MTF2: variants seen among roughly 807,000 people sequenced by gnomAD.
The protein encoded by MTF2 is metal response element binding transcription factor 2.
Under a neutral mutation model 79.5 loss-of-function variants are expected in MTF2, and 11 were observed. That is an observed-to-expected ratio of 0.14 (90% CI 0.09 to 0.23). The LOEUF (loss-of-function observed/expected upper bound fraction) is 0.23. Among genes scored for constraint, MTF2 ranks in the 10% least tolerant of loss-of-function variants. The pLI, the probability that MTF2 is intolerant of heterozygous loss-of-function variation, is 1.00. For missense variants in MTF2, 486 were observed against 711.2 expected (o/e 0.68, Z 3.60); for synonymous variants, 208 against 232.8 (o/e 0.89, Z 0.97).
At chr1:93,108,910 A>C (rs1256990978) in intron 1 of MTF2, among the ~76,000 whole-genome samples, 1 of 152,158 alleles carries the variant, frequency 6.6e-6, no homozygotes, top group African/African-American at 2.4e-5. Flanking sequence ...TATAAGTGGA[A>C]TAGTTGTCCA....
At position 93,114,720 on chromosome 1, in the gene MTF2, A is replaced by G. The variant is rs146740892; in HGVS notation, c.319A>G (p.Ile107Val). 28 of 1,612,166 alleles carry G rather than the reference A, an allele frequency of 1.7e-5. No homozygotes were observed. In the African/African-American group the frequency reaches 2.4e-4, roughly 14 times the overall value. The change falls in exon 4 of 15, where the codon ATA becomes GTA. Residue 107 changes from isoleucine to valine, a missense_variant. Coordinates refer to ENST00000370298, the MANE Select transcript of MTF2 (RefSeq NM_007358.4). ...TGGAAGTGGGGAAATGGTCTGTACA[A>G]TATGTCAAGAAGAGTATTCAGAAGC... ...ATGSGEMVCT[I>V]CQEEYSEAPN...
In MTF2 at chr1:93,119,313, CTTTTTTTTTT is replaced by C. The variant is rs74464389; in HGVS notation, c.729-15_729-6del. The C allele has an allele frequency of 9.4e-7, 1 of 1,066,836 alleles. No individual in the cohort carries two copies. Among genetic ancestry groups the C allele is most frequent in the Non-Finnish European group, 1.3e-6 (1 of 791,768 alleles). The allele number at this position is 1,066,836 out of a possible 1,614,324, so 66.1% of individuals were successfully genotyped here. ...CTGATGACTCAGTATAAAACTTTTT[CTTTTTTTTTT>C]TTTTCTTAGATTTTATACGTTTATA... On this transcript the variant is annotated splice_polypyrimidine_tract_variant and intron_variant, in intron 7 of 14. Coordinates refer to ENST00000370298, the MANE Select transcript of MTF2 (RefSeq NM_007358.4).
intron 1 of MTF2, among the ~76,000 whole-genome samples, chr1:93,090,467 C>T (rs1269572866): frequency 1.4e-5 from 2 of 145,904 alleles, no homozygotes; most frequent in East Asian, 2.0e-4. Flanking sequence ...AGGAGGGTCT[C>T]GAATTCCTGA....
intron 1 of MTF2, among the ~76,000 whole-genome samples, chr1:93,085,038 A>G (rs1328036969): frequency 1.3e-5 from 2 of 152,130 alleles, no homozygotes; most frequent in Non-Finnish European, 2.9e-5. Flanking sequence ...GGATTTTTTG[A>G]TAGTAGTTAA....
chr1:93,137,927 A>G lies in MTF2; in HGVS notation c.*900A>G, dbSNP rs1259509708. 6.6e-6 allele frequency: 1 copy of G among 152,216 alleles called. No homozygotes were observed. The highest frequency in any genetic ancestry group is 2.4e-5 in the African/African-American group (1 of 41,448). The allele number at this position is 152,216 out of a possible 1,614,324, so 9.4% of individuals were successfully genotyped here. On this transcript the variant is annotated 3_prime_UTR_variant, in exon 15 of 15. Transcript: ENST00000370298. The stretch of plus-strand genomic sequence containing the variant: ...AGTACCTAAAACAAATTCAAATAAT[A>G]TGAACATTATCTCCTACTAGAAGTA...
rs1403252028 is a variant in MTF2, at chr1:93,138,882, T to G, written c.*1855T>G. Reference sequence around the variant, plus strand: ...TAATTCTAACTGAACACCAGCAGTATTTTTAGAAATTTTTCTTTAACATAC... The same window carrying G: ...TAATTCTAACTGAACACCAGCAGTAGTTTTAGAAATTTTTCTTTAACATAC... On this transcript the variant is annotated 3_prime_UTR_variant, in exon 15 of 15. Transcript: ENST00000370298. The G allele has an allele frequency of 2.0e-5, 3 of 152,238 alleles. No individual in the cohort carries two copies. The highest frequency in any genetic ancestry group is 4.4e-5 in the Non-Finnish European group (3 of 68,026). The allele number at this position is 152,238 out of a possible 1,614,324, so 9.4% of individuals were successfully genotyped here. A position where few individuals can be genotyped will look rare whatever the true frequency, so the allele number is the denominator to read the frequency against.
chr1:93,127,876 A>G (rs1349719584), intron 10 of MTF2, among the ~76,000 whole-genome samples: 1 of 152,100 alleles, frequency 6.6e-6, no homozygotes, highest in South Asian at 2.1e-4. Flanking sequence ...TTTTAAAACA[A>G]TGTATCTACA....
intron 1 of MTF2, among the ~76,000 whole-genome samples, chr1:93,099,212 T>C (rs1242342001): frequency 1.3e-5 from 2 of 152,184 alleles, no homozygotes. Flanking sequence ...AGAGATCCCA[T>C]GTGGATTTAT....
intron 1 of MTF2, among the ~76,000 whole-genome samples, chr1:93,091,552 T>TCAA (rs1655075836): frequency 6.6e-6 from 1 of 152,194 alleles, no homozygotes; most frequent in South Asian, 2.1e-4. Context: ...TTCCTATACT[T>TCAA]ACCTTTCATG....
intron 1 of MTF2, among the ~76,000 whole-genome samples, chr1:93,104,266 T>G (rs1655667836): frequency 6.6e-6 from 1 of 152,076 alleles, no homozygotes; most frequent in African/African-American, 2.4e-5. Context: ...TAATGCAGTT[T>G]TATATAGGAT....
rs377621712 is a variant in MTF2 at position 93,137,251 on chromosome 1, C to A, written c.*224C>A. 437 of 403,520 alleles carry A rather than the reference C, an allele frequency of 1.1e-3. 1 individual carries two copies. The highest frequency in any genetic ancestry group is 0.011 in the Middle Eastern group (16 of 1,502). 25.0% of individuals were successfully genotyped at this position (403,520 alleles called of 1,614,324 possible). ...AGAACAGAGACTTAATTTTTTAAAT[C>A]TTAAGATTTGTAGAATGTTTCTAGG... On this transcript the variant is annotated 3_prime_UTR_variant, in exon 15 of 15. Coordinates refer to ENST00000370298, the MANE Select transcript of MTF2 (RefSeq NM_007358.4).
At position 93,115,491 on chromosome 1, in the gene MTF2, G is replaced by A; in HGVS notation, c.505G>A (p.Gly169Arg). 1 of 1,595,958 alleles carries A rather than the reference G, an allele frequency of 6.3e-7. No homozygotes were observed. Among genetic ancestry groups the A allele is most frequent in the Non-Finnish European group, 8.5e-7 (1 of 1,171,482 alleles). Reference sequence around the variant, plus strand: ...GTAGAGGGGTGGTGCACTTAAGAAAGGACCAAATGCCAAAGCATTGCAAGT... The same window carrying A: ...GTAGAGGGGTGGTGCACTTAAGAAAAGACCAAATGCCAAAGCATTGCAAGT... The part of the protein sequence containing the change: ...TTKRGGALKK[G>R]PNAKALQVMK... The change falls in exon 6 of 15, where the codon GGA (glycine) becomes AGA (arginine). Residue 169 changes from glycine to arginine, a missense_variant. Gly to Arg is a moderately radical substitution (Grantham distance 125). Coordinates refer to ENST00000370298, the MANE Select transcript of MTF2 (RefSeq NM_007358.4).
intron 1 of MTF2, among the ~76,000 whole-genome samples, chr1:93,085,656 T>G (rs962439945): frequency 6.6e-6 from 1 of 152,046 alleles, no homozygotes; most frequent in African/African-American, 2.4e-5. Context: ...CTGGCTAATT[T>G]TTAAAATATT....
chr1:93,104,545 G>A (rs913964921), intron 1 of MTF2, among the ~76,000 whole-genome samples: 1 of 151,726 alleles, frequency 6.6e-6, no homozygotes, highest in Non-Finnish European at 1.5e-5. Flanking sequence ...TGGGCGTGGT[G>A]GCATGCACCT....
intron 6 of MTF2, 58 bp from the exon 7 acceptor site, chr1:93,118,279 TTAAAGAAA>T (rs1656333441): frequency 4.4e-6 from 4 of 909,402 alleles, no homozygotes; most frequent in Non-Finnish European, 6.5e-6. Context: ...TTTTTTTTTT[TTAAAGAAA>T]TGAACCTTTC....
chr1:93,083,057 A>G (rs1027532474), intron 1 of MTF2, among the ~76,000 whole-genome samples: 7 of 152,248 alleles, frequency 4.6e-5, no homozygotes, highest in African/African-American at 1.7e-4. Flanking sequence ...GTAATTTATA[A>G]AGAAAATAAT....
intron 9 of MTF2, among the ~76,000 whole-genome samples, chr1:93,125,919 T>G (rs1656677479): frequency 6.6e-6 from 1 of 152,098 alleles, no homozygotes; most frequent in Non-Finnish European, 1.5e-5. Context: ...AGTTGGTGCC[T>G]TATCAGCTTT....
chr1:93,125,569 A>G (rs1415318161), intron 9 of MTF2, among the ~76,000 whole-genome samples: 1 of 152,024 alleles, frequency 6.6e-6, no homozygotes, highest in East Asian at 1.9e-4. Context: ...AAGATCTGGA[A>G]CATTGAGATG....
chr1:93,129,533 G>T, intron 11 of MTF2, 85 bp downstream of exon 11: 10 of 950,786 alleles, frequency 1.1e-5, no homozygotes, highest in Non-Finnish European at 1.4e-5. Flanking sequence ...TAGTATATTT[G>T]AAAGTACAAG....
Sources: gnomAD v4.1 joint callset for allele counts (sites outside exome capture counted in the v4.1 genomes callset) on GRCh38, gnomAD v4.1.1 for gene constraint, MANE v1.5 for transcripts, NCBI Gene and HGNC (gene_info 2026-07-23, HGNC 2026-07-21) for gene names.